SLC4A4: variants seen among roughly 807,000 people sequenced by gnomAD.
SLC4A4 encodes the protein electrogenic sodium bicarbonate cotransporter 1.
In SLC4A4, 27 loss-of-function variants were observed where a neutral mutation model predicts 111.5. The observed-to-expected ratio is 0.24, with a 90% CI of 0.18 to 0.33. The LOEUF (loss-of-function observed/expected upper bound fraction) is 0.33, where lower values mean the gene tolerates loss of function less well. Among genes scored for constraint, SLC4A4 ranks in the 10% least tolerant of loss-of-function variants. The probability of loss-of-function intolerance (pLI) is 1.00; values close to 1 mark genes in which losing one functional copy is unlikely to be tolerated. For synonymous variants in SLC4A4, 443 were observed against 463.4 expected (o/e 0.96, Z 0.57); for missense variants, 909 against 1,315.5 (o/e 0.69, Z 4.78).
chr4:71,537,906 G>A (rs191360207), intron 18 of SLC4A4, among the ~76,000 whole-genome samples: 57 of 152,034 alleles, frequency 3.7e-4, no homozygotes, highest in Non-Finnish European at 1.6e-4. Flanking sequence ...CAGGCTCCAG[G>A]GCTTACTAAC....
At chr4:71,404,495 T>G (rs1005172077) in intron 7 of SLC4A4, among the ~76,000 whole-genome samples, 3 of 152,232 alleles carry the variant, frequency 2.0e-5, no homozygotes, top group Admixed American at 6.5e-5. Flanking sequence ...GTTTTACATT[T>G]GATGTCACTT....
chr4:71,363,108 G>A (rs1730942758), intron 6 of SLC4A4, among the ~76,000 whole-genome samples: 1 of 152,106 alleles, frequency 6.6e-6, no homozygotes, highest in African/African-American at 2.4e-5. Context: ...CATATTGCTG[G>A]TTTGATATAA....
chr4:71,290,403 G>T (rs771424196), intron 3 of SLC4A4, among the ~76,000 whole-genome samples: 1 of 152,160 alleles, frequency 6.6e-6, no homozygotes, highest in Non-Finnish European at 1.5e-5. Flanking sequence ...AACACCCAGG[G>T]AAACCATGCG....
At chr4:71,122,812 T>C (rs917253302) in intron 2 of SLC4A4, among the ~76,000 whole-genome samples, 4 of 152,196 alleles carry the variant, frequency 2.6e-5, no homozygotes, top group South Asian at 2.1e-4. Context: ...ACACTGTTCG[T>C]ATACACAGGA....
chr4:71,157,431 A>G (rs1245683944), intron 2 of SLC4A4, among the ~76,000 whole-genome samples: 1 of 152,168 alleles, frequency 6.6e-6, no homozygotes, highest in Non-Finnish European at 1.5e-5. Flanking sequence ...TATGAATAAA[A>G]ATTGTCATTA....
At chr4:71,134,970 C>A (rs1743804054) in intron 2 of SLC4A4, among the ~76,000 whole-genome samples, 1 of 152,254 alleles carries the variant, frequency 6.6e-6, no homozygotes. Context: ...AGGGGGATGG[C>A]ATTTGGCATA....
chr4:71,415,733 C>G (rs1276424443), intron 7 of SLC4A4, among the ~76,000 whole-genome samples: 1 of 152,120 alleles, frequency 6.6e-6, no homozygotes, highest in Non-Finnish European at 1.5e-5. Context: ...TCTGTCACCC[C>G]CTTTATCCAG....
chr4:71,166,243 G>A (rs542747844), intron 2 of SLC4A4, among the ~76,000 whole-genome samples: 1 of 152,158 alleles, frequency 6.6e-6, no homozygotes, highest in Non-Finnish European at 1.5e-5. Context: ...AAATATTTTT[G>A]ATTGTTGTAG....
intron 2 of SLC4A4, among the ~76,000 whole-genome samples, chr4:71,133,263 C>T (rs1019281123): frequency 2.0e-5 from 3 of 152,174 alleles, no homozygotes; most frequent in Admixed American, 2.0e-4. Flanking sequence ...CTGAATAGCT[C>T]TGTGAGGCTA....
chr4:71,218,704 T>C (rs1042115158), intron 1 of SLC4A4, among the ~76,000 whole-genome samples: 2 of 152,314 alleles, frequency 1.3e-5, no homozygotes, highest in South Asian at 4.1e-4. Context: ...AGTTTTATCA[T>C]CTGTAAAAGG....
intron 2 of SLC4A4, among the ~76,000 whole-genome samples, chr4:71,253,282 C>A (rs1367903676): frequency 2.0e-5 from 3 of 152,100 alleles, no homozygotes; most frequent in Admixed American, 1.3e-4. Flanking sequence ...AGTAATCTTA[C>A]CTTAGCATCT....
In SLC4A4 at chr4:71,413,987, G is replaced by C. The variant is rs74865019; in HGVS notation, c.807+16334G>C. ...TGTTTAGAGATCAAAGCCTCACAGA[G>C]TAACAGAGCTGTGGCCATTCTTATC... On this transcript the variant is annotated intron_variant, in intron 7 of 25. Transcript: ENST00000264485. 5.2e-3 allele frequency among the ~76,000 whole-genome samples: 792 copies of C among 152,300 alleles called. 6 individuals carry two copies. The highest frequency in any genetic ancestry group is 9.1e-3 in the Non-Finnish European group (621 of 68,030).
rs867894445 is a variant in SLC4A4, at chr4:71,495,533, T to C, written c.1975-1968T>C. On this transcript the variant is annotated intron_variant, in intron 15 of 25. Transcript: ENST00000264485. ...TCAGCTGTTTACAAGTTGAAGCTTCTATAGGAAAAATATTTCAGGGAAAGA... is the reference window on the plus strand; with the variant it reads ...TCAGCTGTTTACAAGTTGAAGCTTCCATAGGAAAAATATTTCAGGGAAAGA... Among the ~76,000 whole-genome samples the C allele has an allele frequency of 3.9e-5, 6 of 152,202 alleles. No homozygotes were observed. The Middle Eastern group carries it at 0.014, about 345-fold the overall frequency.
At chr4:71,417,840 A>G (rs977446268) in intron 7 of SLC4A4, among the ~76,000 whole-genome samples, 1 of 152,188 alleles carries the variant, frequency 6.6e-6, no homozygotes, top group Non-Finnish European at 1.5e-5. Flanking sequence ...TTCCTCAGAC[A>G]TGTAATGGTT....
chr4:71,525,430 G>A (rs6447032), intron 16 of SLC4A4, among the ~76,000 whole-genome samples: 90,337 of 152,038 alleles, frequency 0.59, 29,181 homozygotes, highest in Non-Finnish European at 0.74. Flanking sequence ...TTCTCTTTCC[G>A]TCTTTCATAA....
At chr4:71,191,603 A>G (rs1745735711) in intron 1 of SLC4A4, among the ~76,000 whole-genome samples, 1 of 152,144 alleles carries the variant, frequency 6.6e-6, no homozygotes, top group Non-Finnish European at 1.5e-5. Flanking sequence ...GATGGTTTCC[A>G]TTTTCTGTTG....
intron 4 of SLC4A4, among the ~76,000 whole-genome samples, chr4:71,349,030 C>T (rs1729580315): frequency 6.6e-6 from 1 of 152,058 alleles, no homozygotes; most frequent in Admixed American, 6.6e-5. Context: ...GTTGCTTTCC[C>T]ATTTTCCTTT....
At chr4:71,229,755 A>C (rs1224278478) in intron 1 of SLC4A4, among the ~76,000 whole-genome samples, 1 of 151,300 alleles carries the variant, frequency 6.6e-6, no homozygotes, top group Admixed American at 6.6e-5. Context: ...TAAGTCAGCA[A>C]CTGTGTTCTG....
chr4:71,202,199 G>A (rs993123764), intron 1 of SLC4A4, among the ~76,000 whole-genome samples: 10 of 152,220 alleles, frequency 6.6e-5, no homozygotes, highest in South Asian at 4.2e-4. Context: ...ATTCATTTCC[G>A]TATTTAAATT....
Sources: gnomAD v4.1 joint callset for allele counts (sites outside exome capture counted in the v4.1 genomes callset) on GRCh38, gnomAD v4.1.1 for gene constraint, MANE v1.5 for transcripts, NCBI Gene and HGNC (gene_info 2026-07-23, HGNC 2026-07-21) for gene names.